FRRS1L: variants seen among roughly 807,000 people sequenced by gnomAD.
FRRS1L encodes DOMON domain-containing protein FRRS1L.
In FRRS1L, 22 loss-of-function variants were observed where a neutral mutation model predicts 28.6. The ratio of observed to expected loss-of-function variants is 0.77; its 90% CI spans 0.55 to 1.10. The LOEUF (loss-of-function observed/expected upper bound fraction) is 1.10. Ranked by LOEUF, FRRS1L falls within the 50% of genes least tolerant of loss-of-function variation. FRRS1L has a pLI of 0.00. For synonymous variants in FRRS1L, 158 were observed against 151.4 expected, an observed-to-expected ratio of 1.04 and a Z score of -0.32; for missense variants, 380 against 386.9, an observed-to-expected ratio of 0.98 and a Z score of 0.15.
chr9:109,138,142 T>C (rs1394770870), intron 4 of FRRS1L: 1 of 152,442 alleles, frequency 6.6e-6, no homozygotes, highest in Non-Finnish European at 1.5e-5. Context: ...CTACTGTCTG[T>C]GGGACACTTA....
chr9:109,146,223 AT>A (rs1168320094), intron 3 of FRRS1L, among the ~76,000 whole-genome samples: 3 of 151,894 alleles, frequency 2.0e-5, no homozygotes, highest in Non-Finnish European at 2.9e-5. Flanking sequence ...AAACAAATAA[AT>A]TAAATAAATA....
At chr9:109,145,099 G>T (rs1165362964) in intron 3 of FRRS1L, among the ~76,000 whole-genome samples, 1 of 152,202 alleles carries the variant, frequency 6.6e-6, no homozygotes, top group East Asian at 1.9e-4. Context: ...GGCAGAAACA[G>T]CCACAAGGGC....
At position 109,130,323 on chromosome 9, in the gene FRRS1L, C is replaced by T. The variant is rs1831043010; in HGVS notation, c.*7132G>A. ...AATTATAAACTAACTTTAATTACATCAACAGGAAGAATTTCAAACTATGTT... is the reference window on the plus strand; with the variant it reads ...AATTATAAACTAACTTTAATTACATTAACAGGAAGAATTTCAAACTATGTT... On this transcript the variant is annotated 3_prime_UTR_variant, in exon 5 of 5. Transcript: ENST00000561981. 1.3e-5 allele frequency: 2 copies of T among 152,138 alleles called. No individual in the cohort carries two copies. Among genetic ancestry groups the T allele is most frequent in the Non-Finnish European group, 2.9e-5 (2 of 68,024 alleles). 9.4% of individuals were successfully genotyped at this position (152,138 alleles called of 1,614,324 possible). A position where few individuals can be genotyped will look rare whatever the true frequency, so the allele number is the denominator to read the frequency against.
At chr9:109,142,746 G>C (rs1831202740) in intron 3 of FRRS1L, among the ~76,000 whole-genome samples, 1 of 151,962 alleles carries the variant, frequency 6.6e-6, no homozygotes, top group African/African-American at 2.4e-5. Flanking sequence ...GGTTGAGGCT[G>C]CAGTGAGTCT....
chr9:109,130,374 C>A lies in FRRS1L; in HGVS notation c.*7081G>T, dbSNP rs963748571. The stretch of plus-strand genomic sequence containing the variant: ...GTAATTCTTATTTTAAAGTTTAAAT[C>A]TAATTAATATATTCTGACTAACATA... On this transcript the variant is annotated 3_prime_UTR_variant, in exon 5 of 5. Coordinates refer to ENST00000561981, the MANE Select transcript of FRRS1L (RefSeq NM_014334.4). 4.6e-5 allele frequency: 7 copies of A among 152,172 alleles called. No individual in the cohort carries two copies. The highest frequency in any genetic ancestry group is 1.7e-4 in the African/African-American group (7 of 41,438). 9.4% of individuals were successfully genotyped at this position (152,172 alleles called of 1,614,324 possible).
At position 109,136,032 on chromosome 9, in the gene FRRS1L, C is replaced by T. The variant is rs1388611542; in HGVS notation, c.*1423G>A. The stretch of plus-strand genomic sequence containing the variant: ...ATCACCTGAGGTCAGGAGTTCGAGA[C>T]CAGCCTGACTAAAATGGTGAAACTC... On this transcript the variant is annotated 3_prime_UTR_variant, in exon 5 of 5. Coordinates refer to ENST00000561981, the MANE Select transcript of FRRS1L (RefSeq NM_014334.4). The T allele has an allele frequency of 6.6e-6, 1 of 151,680 alleles. No individual in the cohort carries two copies. Among genetic ancestry groups the T allele is most frequent in the Non-Finnish European group, 1.5e-5 (1 of 67,964 alleles). 9.4% of individuals were successfully genotyped at this position (151,680 alleles called of 1,614,324 possible).
chr9:109,166,917 G>T lies in FRRS1L; in HGVS notation c.222C>A (p.Arg74=). 2 of 1,360,572 alleles carry T rather than the reference G, an allele frequency of 1.5e-6. No homozygotes were observed. The highest frequency in any genetic ancestry group is 1.9e-6 in the Non-Finnish European group (2 of 1,046,862). The allele number at this position is 1,360,572 out of a possible 1,614,324, so 84.3% of individuals were successfully genotyped here. ...GTFAGEFYDL[R]YLSEEGYPFP... Reference sequence around the variant, plus strand: ...CAGCCTCACCCTCCTCCGACAGGTAGCGCAGGTCGTAGAACTCCCCCGCGA... The same window carrying T: ...CAGCCTCACCCTCCTCCGACAGGTATCGCAGGTCGTAGAACTCCCCCGCGA... Residue 74 remains arginine (R), a synonymous_variant, in exon 1 of 5, where the codon CGC becomes CGA. Transcript: ENST00000561981.
intron 3 of FRRS1L, among the ~76,000 whole-genome samples, chr9:109,144,257 C>T (rs1831225589): frequency 6.6e-6 from 1 of 152,190 alleles, no homozygotes; most frequent in Admixed American, 6.5e-5. Context: ...TCCTGGTGAC[C>T]TCTCCAAGAA....
chr9:109,151,757 T>C (rs10759330), intron 1 of FRRS1L: 115,367 of 156,020 alleles, frequency 0.74, 42,796 homozygotes, highest in Non-Finnish European at 0.77. Flanking sequence ...AAACCAGTCC[T>C]TGGTATCAAA....
chr9:109,147,301 A>AT, intron 2 of FRRS1L, 112 bp from the exon 3 acceptor site: 2 of 893,092 alleles, frequency 2.2e-6, no homozygotes, highest in Non-Finnish European at 3.5e-6. Flanking sequence ...AACACATTGG[A>AT]TTTTTGCTAC....
At chr9:109,156,513 C>T (rs375215928) in intron 1 of FRRS1L, among the ~76,000 whole-genome samples, 4 of 152,004 alleles carry the variant, frequency 2.6e-5, no homozygotes, top group African/African-American at 7.2e-5. Flanking sequence ...CTCAGCCTCC[C>T]GAGTAGCTGG....
chr9:109,159,863 C>T (rs1179984612), intron 1 of FRRS1L, among the ~76,000 whole-genome samples: 1 of 152,158 alleles, frequency 6.6e-6, no homozygotes, highest in Non-Finnish European at 1.5e-5. Context: ...AGCCTGCCGA[C>T]CCAACCTGCA....
At chr9:109,149,103 C>T (rs1447778122) in intron 2 of FRRS1L, among the ~76,000 whole-genome samples, 1 of 152,150 alleles carries the variant, frequency 6.6e-6, no homozygotes, top group East Asian at 1.9e-4. Context: ...ATGGGAGGCC[C>T]ATTGTCCACA....
intron 1 of FRRS1L, among the ~76,000 whole-genome samples, 190 bp downstream of exon 1, chr9:109,166,711 C>T (rs889047384): frequency 1.3e-5 from 2 of 152,068 alleles, no homozygotes; most frequent in South Asian, 2.1e-4. Context: ...CTCTTTGGGC[C>T]TTTCCTCCAG....
intron 4 of FRRS1L, 26 bp from the exon 5 acceptor site, chr9:109,137,653 G>A: frequency 6.9e-7 from 1 of 1,444,834 alleles, no homozygotes; most frequent in Non-Finnish European, 9.3e-7. Context: ...AGAAGAGCAG[G>A]GGCAATTGAA....
chr9:109,155,875 T>C lies in FRRS1L; in HGVS notation c.239-6155A>G, dbSNP rs185349872. ...TTCTAAAATTGATTGTGGTGACAGA[T>C]GCACAACCCTGTGAATATACTAAAA... is the stretch of plus-strand genomic sequence containing the variant. On this transcript the variant is annotated intron_variant, in intron 1 of 4. Transcript: ENST00000561981. 3.3e-5 allele frequency among the ~76,000 whole-genome samples: 5 copies of C among 151,720 alleles called. No individual in the cohort carries two copies. In the East Asian group the frequency reaches 7.7e-4, roughly 23 times the overall value.
chr9:109,141,133 G>A (rs1831180024), intron 4 of FRRS1L: 1 of 598,740 alleles, frequency 1.7e-6, no homozygotes, highest in South Asian at 2.0e-5. Flanking sequence ...AGCTTTGCAT[G>A]TGTGTAACTG....
At chr9:109,149,817 C>G (rs773410269) in intron 1 of FRRS1L, 97 bp from the exon 2 acceptor site, 18 of 820,030 alleles carry the variant, frequency 2.2e-5, no homozygotes, top group Middle Eastern at 4.5e-4. Flanking sequence ...TCACACATAT[C>G]GAGAAATGTT....
chr9:109,164,784 G>A (rs918211947), intron 1 of FRRS1L, among the ~76,000 whole-genome samples: 8 of 152,306 alleles, frequency 5.3e-5, no homozygotes, highest in East Asian at 3.9e-4. Context: ...TGGTGGGGGC[G>A]CGAAGCAGAC....
Sources: gnomAD v4.1 joint callset for allele counts (sites outside exome capture counted in the v4.1 genomes callset) on GRCh38, gnomAD v4.1.1 for gene constraint, MANE v1.5 for transcripts, NCBI Gene and HGNC (gene_info 2026-07-23, HGNC 2026-07-21) for gene names.